Variants in SHANK2 observed in about 807,000 individuals in gnomAD.
SHANK2 encodes SH3 and multiple ankyrin repeat domains protein 2.
SHANK2 carries 43 observed loss-of-function variants against 133.7 expected under a neutral mutation model. That is an observed-to-expected ratio of 0.32 (90% CI 0.25 to 0.41). SHANK2 has a LOEUF of 0.41. Ranked by LOEUF, SHANK2 falls within the 10% of genes least tolerant of loss-of-function variation. The probability of loss-of-function intolerance (pLI) is 1.00; values close to 1 mark genes in which losing one functional copy is unlikely to be tolerated. For synonymous variants in SHANK2, 1,017 were observed against 952.8 expected (o/e 1.07, Z -1.24); for missense variants, 1,994 against 2,235.8 (o/e 0.89, Z 2.18).
At chr11:70,869,922 C>G (rs1949431640) in intron 11 of SHANK2, among the ~76,000 whole-genome samples, 1 of 152,150 alleles carries the variant, frequency 6.6e-6, no homozygotes, top group Non-Finnish European at 1.5e-5. Flanking sequence ...CCAGGCTCTG[C>G]CTTCTCACAC....
intron 17 of SHANK2, among the ~76,000 whole-genome samples, chr11:70,559,621 G>A (rs1025389820): frequency 2.0e-5 from 3 of 152,144 alleles, no homozygotes; most frequent in African/African-American, 7.2e-5. Context: ...AGAGCTGTGG[G>A]ATCCAGTCCT....
At chr11:70,838,348 G>T (rs1228524765) in intron 11 of SHANK2, among the ~76,000 whole-genome samples, 1 of 152,210 alleles carries the variant, frequency 6.6e-6, no homozygotes, top group Non-Finnish European at 1.5e-5. Context: ...GTTGCACATT[G>T]CATTTTCCTT....
At chr11:70,579,921 C>T (rs1554985042) in intron 17 of SHANK2, among the ~76,000 whole-genome samples, 2 of 152,202 alleles carry the variant, frequency 1.3e-5, no homozygotes, top group African/African-American at 2.4e-5. Context: ...CCAAGGAACA[C>T]AGGCGGCCTC....
At chr11:70,531,777 T>C (rs1046231431) in intron 17 of SHANK2, among the ~76,000 whole-genome samples, 7 of 152,174 alleles carry the variant, frequency 4.6e-5, no homozygotes, top group Non-Finnish European at 8.8e-5. Flanking sequence ...TGGAAGTGGC[T>C]TCTCCACACC....
At chr11:71,065,048 G>A (rs2135944818) in intron 9 of SHANK2, among the ~76,000 whole-genome samples, 1 of 152,316 alleles carries the variant, frequency 6.6e-6, no homozygotes, top group Admixed American at 6.5e-5. Context: ...CAGACGCCGA[G>A]AGATGCCACA....
intron 10 of SHANK2, among the ~76,000 whole-genome samples, chr11:70,912,073 C>T (rs1429502285): frequency 1.0e-5 from 1 of 96,292 alleles, no homozygotes; most frequent in African/African-American, 4.0e-5. Flanking sequence ...CAGAGTGAGA[C>T]TCTGTCAAAA....
At position 70,863,622 on chromosome 11, in the gene SHANK2, G is replaced by A. The variant is rs145477289; in HGVS notation, c.1174+32879C>T. 2.9e-3 allele frequency: 1,294 copies of A among 440,188 alleles called. 11 individuals are homozygous for A. Among genetic ancestry groups the A allele is most frequent in the African/African-American group, 0.021 (1,060 of 49,860 alleles). The allele number at this position is 440,188 out of a possible 1,614,324, so 27.3% of individuals were successfully genotyped here. A position where few individuals can be genotyped will look rare whatever the true frequency, so the allele number is the denominator to read the frequency against. On this transcript the variant is annotated intron_variant, in intron 11 of 25. Transcript: ENST00000601538. ...CAAACGGAGCTTTGCTAGGCCTGGT[G>A]CCTCCTTTCAGTCAACATCTGGTCC...
rs782518948 is a variant in SHANK2, at chr11:70,485,790, G to C, written c.4503C>G (p.Asp1501Glu). ...IEEVDSRSSSDHHLETTSTIS... is the reference protein window; with the variant it reads ...IEEVDSRSSSEHHLETTSTIS... Reference sequence around the variant, plus strand: ...TAGTGCTGGTCGTCTCGAGGTGGTGGTCGCTGCTACTCCGGCTGTCCACCT... The same window carrying C: ...TAGTGCTGGTCGTCTCGAGGTGGTGCTCGCTGCTACTCCGGCTGTCCACCT... The change falls in exon 25 of 26, where the codon GAC (aspartate) becomes GAG (glutamate). Residue 1501 changes from aspartate to glutamate, a missense_variant. Coordinates refer to ENST00000601538, the MANE Select transcript of SHANK2 (RefSeq NM_012309.5). The surrounding 1 kb of genome is among the most constrained non-coding windows in gnomAD (Gnocchi z 5.8). 2 of 1,613,844 alleles carry C rather than the reference G, an allele frequency of 1.2e-6. No homozygotes were observed. Among genetic ancestry groups the C allele is most frequent in the African/African-American group, 2.7e-5 (2 of 74,896 alleles).
chr11:71,153,062 C>T (rs1160774090), intron 2 of SHANK2, among the ~76,000 whole-genome samples: 1 of 152,186 alleles, frequency 6.6e-6, no homozygotes, highest in African/African-American at 2.4e-5. Context: ...ACTGGATGCG[C>T]TGCGTTTTAT....
In SHANK2 at chr11:71,175,928, G is replaced by A. The variant is rs1209400858; in HGVS notation, c.-12-28590C>T. The stretch of plus-strand genomic sequence containing the variant: ...CCAGTTTGTGGGACAAAACCAGGAG[G>A]AGAGAGAATGGAACGGAGCCTAGTA... On this transcript the variant is annotated intron_variant, in intron 2 of 25. Transcript: ENST00000601538. This position sits in a 1 kb window ranked among gnomAD's most constrained non-coding sequence, Gnocchi z 4.2. 2.0e-5 allele frequency among the ~76,000 whole-genome samples: 3 copies of A among 152,168 alleles called. No individual in the cohort carries two copies. The highest frequency in any genetic ancestry group is 7.2e-5 in the African/African-American group (3 of 41,448).
At chr11:71,135,477 G>A (rs1196345206) in intron 3 of SHANK2, among the ~76,000 whole-genome samples, 2 of 148,206 alleles carry the variant, frequency 1.3e-5, no homozygotes, top group Non-Finnish European at 3.0e-5. Flanking sequence ...GACTAGGGGG[G>A]ATATGTTTTT....
At chr11:70,907,234 G>C (rs573353875) in intron 10 of SHANK2, among the ~76,000 whole-genome samples, 1 of 152,316 alleles carries the variant, frequency 6.6e-6, no homozygotes, top group African/African-American at 2.4e-5. Flanking sequence ...GACTTGCCTG[G>C]GTCTCGTCTG....
chr11:70,858,800 C>T (rs11237722), intron 11 of SHANK2, among the ~76,000 whole-genome samples: 24,030 of 152,262 alleles, frequency 0.16, 2,476 homozygotes, highest in Non-Finnish European at 0.23. Flanking sequence ...CCACTCACAC[C>T]TCCATCTGGT....
chr11:70,799,094 G>A (rs186605246), intron 13 of SHANK2, among the ~76,000 whole-genome samples: 56 of 152,238 alleles, frequency 3.7e-4, no homozygotes, highest in Middle Eastern at 3.4e-3. Context: ...ACAAGCGTGC[G>A]GAAGGAGAAA....
chr11:70,678,783 C>T (rs925494068), intron 15 of SHANK2, among the ~76,000 whole-genome samples: 9 of 152,142 alleles, frequency 5.9e-5, no homozygotes, highest in East Asian at 1.9e-4. Flanking sequence ...CCTTGTGATC[C>T]GCCCGCCTCG....
At chr11:70,884,678 T>C (rs1206709749) in intron 11 of SHANK2, among the ~76,000 whole-genome samples, 1 of 152,270 alleles carries the variant, frequency 6.6e-6, no homozygotes, top group Non-Finnish European at 1.5e-5. Context: ...TCCTGCTTCA[T>C]AGAACAGTGT....
At chr11:70,748,122 C>T (rs892740101) in intron 14 of SHANK2, among the ~76,000 whole-genome samples, 1 of 152,072 alleles carries the variant, frequency 6.6e-6, no homozygotes, top group Non-Finnish European at 1.5e-5. Flanking sequence ...AGAGAAGGAC[C>T]CTGGGTCTTG....
At chr11:70,885,402 C>T (rs1949723403) in intron 11 of SHANK2, among the ~76,000 whole-genome samples, 1 of 152,208 alleles carries the variant, frequency 6.6e-6, no homozygotes, top group Non-Finnish European at 1.5e-5. Flanking sequence ...TCTCTGTGTG[C>T]ACCATGGGGG....
intron 15 of SHANK2, among the ~76,000 whole-genome samples, chr11:70,691,108 A>T (rs1945280081): frequency 6.6e-6 from 1 of 152,144 alleles, no homozygotes; most frequent in African/African-American, 2.4e-5. Context: ...TACTTGGATG[A>T]AAATTTATGG....
Sources: allele counts gnomAD v4.1 joint callset (sites outside exome capture counted in the v4.1 genomes callset), GRCh38; gene constraint gnomAD v4.1.1; non-coding constraint Gnocchi (gnomAD v3.1); transcripts MANE v1.5; gene names NCBI Gene and HGNC (gene_info 2026-07-23, HGNC 2026-07-21).